Variants in CCSER1 observed in about 807,000 individuals in gnomAD.
The protein encoded by CCSER1 is serine-rich coiled-coil domain-containing protein 1.
In CCSER1, 41 loss-of-function variants were observed where a neutral mutation model predicts 82.0. That is an observed-to-expected ratio of 0.50 (90% CI 0.39 to 0.65). CCSER1 has a LOEUF of 0.65. Among genes scored for constraint, CCSER1 ranks in the 30% least tolerant of loss-of-function variants. CCSER1 has a pLI of 0.00. For synonymous variants in CCSER1, 414 were observed against 383.9 expected (o/e 1.08, Z -0.92); for missense variants, 1,119 against 1,064.2 (o/e 1.05, Z -0.72).
At position 90,183,747 on chromosome 4, in the gene CCSER1, G is replaced by T. The variant is rs146088633; in HGVS notation, c.-42+55916G>T. On this transcript the variant is annotated intron_variant, in intron 1 of 10. Coordinates refer to ENST00000509176, the MANE Select transcript of CCSER1 (RefSeq NM_001145065.2). ...CATTGTAAATTAAATTCTTTCTATT[G>T]TCACAATCTGGCAGTGTTAAGGACA... Among the ~76,000 whole-genome samples, 7 of 152,158 alleles carry T rather than the reference G, an allele frequency of 4.6e-5. No homozygotes were observed. The East Asian group carries it at 1.4e-3, about 29-fold the overall frequency.
intron 1 of CCSER1, among the ~76,000 whole-genome samples, chr4:90,277,445 A>G (rs1231136649): frequency 1.3e-5 from 2 of 152,152 alleles, no homozygotes; most frequent in Non-Finnish European, 2.9e-5. Context: ...ATAGTATAGT[A>G]ACCAAAACAG....
chr4:90,781,165 C>T (rs1261960160), intron 7 of CCSER1: 1 of 617,820 alleles, frequency 1.6e-6, no homozygotes, highest in Non-Finnish European at 2.0e-6. Flanking sequence ...CCACCAAGCC[C>T]CACCTCCAGC....
chr4:91,065,799 C>A (rs1485504145), intron 9 of CCSER1, among the ~76,000 whole-genome samples: 1 of 151,964 alleles, frequency 6.6e-6, no homozygotes, highest in Admixed American at 6.6e-5. Context: ...TAATTTTTCA[C>A]CGAATCATAC....
intron 5 of CCSER1, among the ~76,000 whole-genome samples, chr4:90,522,526 G>A (rs998305962): frequency 3.3e-5 from 5 of 152,052 alleles, no homozygotes; most frequent in South Asian, 2.1e-4. Context: ...ATCTCCACAT[G>A]GCTCCACTGA....
At chr4:91,558,078 T>A (rs1045317110) in intron 10 of CCSER1, among the ~76,000 whole-genome samples, 9 of 142,830 alleles carry the variant, frequency 6.3e-5, no homozygotes, top group Non-Finnish European at 1.4e-4. Flanking sequence ...TATGGTATTT[T>A]AATATATTAA....
chr4:91,533,822 A>T (rs1013404195), intron 10 of CCSER1, among the ~76,000 whole-genome samples: 3 of 152,002 alleles, frequency 2.0e-5, no homozygotes, highest in Non-Finnish European at 2.9e-5. Context: ...AACATTATTC[A>T]TTCACCTGGT....
intron 10 of CCSER1, among the ~76,000 whole-genome samples, chr4:91,530,508 G>A (rs1760973608): frequency 6.6e-6 from 1 of 151,656 alleles, no homozygotes; most frequent in African/African-American, 2.4e-5. Flanking sequence ...GTACTGCTCT[G>A]GCATTAATAA....
chr4:90,998,081 T>C (rs1185573741), intron 9 of CCSER1, among the ~76,000 whole-genome samples: 7 of 152,126 alleles, frequency 4.6e-5, no homozygotes, highest in Non-Finnish European at 1.0e-4. Flanking sequence ...TATTTTATTT[T>C]ATTTATTTCT....
At chr4:90,848,061 G>C (rs1469839615) in intron 8 of CCSER1, among the ~76,000 whole-genome samples, 1 of 152,026 alleles carries the variant, frequency 6.6e-6, no homozygotes, top group East Asian at 1.9e-4. Context: ...AAATTATTGT[G>C]GATTTTTTTA....
intron 9 of CCSER1, among the ~76,000 whole-genome samples, chr4:91,066,685 A>C (rs1720850113): frequency 6.6e-6 from 1 of 152,304 alleles, no homozygotes; most frequent in East Asian, 1.9e-4. Context: ...AGTCTTCAGA[A>C]ATCATATTCT....
intron 10 of CCSER1, among the ~76,000 whole-genome samples, chr4:91,177,368 T>A (rs1423825623): frequency 6.6e-6 from 1 of 152,208 alleles, no homozygotes; most frequent in Non-Finnish European, 1.5e-5. Flanking sequence ...CTTTTTCTGT[T>A]CATTGGAATA....
intron 10 of CCSER1, among the ~76,000 whole-genome samples, chr4:91,158,934 T>A (rs1731099455): frequency 6.6e-6 from 1 of 151,930 alleles, no homozygotes; most frequent in Admixed American, 6.5e-5. Flanking sequence ...CCTTTAAACA[T>A]CTTACCAAAA....
intron 6 of CCSER1, among the ~76,000 whole-genome samples, chr4:90,699,426 T>C (rs1737602267): frequency 6.6e-6 from 1 of 152,088 alleles, no homozygotes; most frequent in Non-Finnish European, 1.5e-5. Flanking sequence ...GATCAAGCAA[T>C]GTTAATGGGC....
intron 5 of CCSER1, among the ~76,000 whole-genome samples, chr4:90,501,522 CTCT>C (rs1769881036): frequency 1.3e-5 from 2 of 152,166 alleles, no homozygotes; most frequent in Non-Finnish European, 2.9e-5. Flanking sequence ...CAGCTTTGTC[CTCT>C]AGAAGCATTT....
chr4:91,399,235 C>A (rs1052142554), intron 10 of CCSER1, among the ~76,000 whole-genome samples: 1 of 151,788 alleles, frequency 6.6e-6, no homozygotes, highest in African/African-American at 2.4e-5. Context: ...CTTACTCCTT[C>A]AGAAAATGCT....
intron 8 of CCSER1, among the ~76,000 whole-genome samples, chr4:90,870,286 C>CT (rs1195146908): frequency 2.0e-5 from 3 of 151,810 alleles, no homozygotes; most frequent in Non-Finnish European, 4.4e-5. Flanking sequence ...AGAGGAAAGG[C>CT]TTTTAGTTTT....
intron 1 of CCSER1, among the ~76,000 whole-genome samples, chr4:90,256,345 T>G (rs1330092834): frequency 6.6e-6 from 1 of 152,166 alleles, no homozygotes; most frequent in African/African-American, 2.4e-5. Context: ...TCTAGTGTCT[T>G]GTGTATGTTA....
chr4:91,358,407 T>C (rs1252791537), intron 10 of CCSER1, among the ~76,000 whole-genome samples: 1 of 147,968 alleles, frequency 6.8e-6, no homozygotes, highest in Non-Finnish European at 1.5e-5. Context: ...TTTTTTTTTT[T>C]TTTCCCGAGA....
intron 5 of CCSER1, among the ~76,000 whole-genome samples, chr4:90,556,408 T>G (rs551293067): frequency 6.6e-6 from 1 of 152,198 alleles, no homozygotes; most frequent in East Asian, 1.9e-4. Flanking sequence ...ATACCTAGGC[T>G]TATTCAGTCA....
Sources: allele counts gnomAD v4.1 joint callset (sites outside exome capture counted in the v4.1 genomes callset), GRCh38; gene constraint gnomAD v4.1.1; transcripts MANE v1.5; gene names NCBI Gene and HGNC (gene_info 2026-07-23, HGNC 2026-07-21).